The following TCF4 variants were observed in gnomAD, a reference collection of about 807,000 sequenced individuals.
The protein encoded by TCF4 is transcription factor 4.
A neutral mutation model predicts 82.1 loss-of-function variants in TCF4; 3 were observed. The observed-to-expected ratio is 0.04, with a 90% confidence interval of 0.02 to 0.09. The LOEUF (loss-of-function observed/expected upper bound fraction) is 0.09. TCF4 is among the 10% of genes least tolerant of loss of function. The pLI, the probability that TCF4 is intolerant of heterozygous loss-of-function variation, is 1.00. For synonymous variants in TCF4, 276 were observed against 309.6 expected (o/e 0.89, Z 1.14); for missense variants, 518 against 852.7 (o/e 0.61, Z 4.89).
intron 6 of TCF4, among the ~76,000 whole-genome samples, chr18:55,351,599 G>A (rs2082337041): frequency 6.6e-6 from 1 of 152,022 alleles, no homozygotes; most frequent in African/African-American, 2.4e-5. Flanking sequence ...CAAGCTAACA[G>A]CCACAAAGGA....
intron 5 of TCF4, among the ~76,000 whole-genome samples, chr18:55,412,903 T>C (rs1000058766): frequency 6.6e-6 from 1 of 152,190 alleles, no homozygotes; most frequent in African/African-American, 2.4e-5. Context: ...CAACTCTAAA[T>C]AAGCCACAGT....
chr18:55,503,628 A>G (rs578202335), intron 3 of TCF4, among the ~76,000 whole-genome samples: 2 of 152,324 alleles, frequency 1.3e-5, no homozygotes, highest in East Asian at 3.9e-4. Context: ...AAAAATAACC[A>G]GCTCAAGAAC....
At chr18:55,328,821 T>C (rs937568398) in intron 8 of TCF4, among the ~76,000 whole-genome samples, 1 of 152,220 alleles carries the variant, frequency 6.6e-6, no homozygotes, top group African/African-American at 2.4e-5. Flanking sequence ...AATGCATTGC[T>C]CGATAATCAG....
At chr18:55,498,719 T>C (rs2096664788) in intron 3 of TCF4, among the ~76,000 whole-genome samples, 1 of 152,172 alleles carries the variant, frequency 6.6e-6, no homozygotes, top group Non-Finnish European at 1.5e-5. Context: ...CTTCCACTTC[T>C]AGCACCAATG....
At chr18:55,476,495 T>C (rs1286912477) in intron 3 of TCF4, among the ~76,000 whole-genome samples, 3 of 151,976 alleles carry the variant, frequency 2.0e-5, no homozygotes, top group Non-Finnish European at 2.9e-5. Context: ...TTTTTTGAGA[T>C]GGGGTCCTGC....
At chr18:55,373,476 C>A (rs1286303135) in intron 6 of TCF4, among the ~76,000 whole-genome samples, 1 of 151,942 alleles carries the variant, frequency 6.6e-6, no homozygotes, top group African/African-American at 2.4e-5. Flanking sequence ...AAATTTAAAT[C>A]AATTAGAAGG....
chr18:55,586,310 T>A (rs2097650784), intron 2 of TCF4: 2 of 754,818 alleles, frequency 2.6e-6, no homozygotes, highest in Admixed American at 4.5e-5. Context: ...TACAAATGCA[T>A]CTTACACCAA....
intron 17 of TCF4, chr18:55,230,674 T>A (rs573549868): frequency 6.6e-6 from 1 of 151,918 alleles, no homozygotes; most frequent in Non-Finnish European, 1.5e-5. Context: ...CATTTCGGAG[T>A]TGGAAGATGT....
At chr18:55,448,901 T>C (rs1183830846) in intron 5 of TCF4, among the ~76,000 whole-genome samples, 29 of 152,228 alleles carry the variant, frequency 1.9e-4, no homozygotes, top group Non-Finnish European at 1.5e-5. Context: ...GGGCAAAATC[T>C]CATTAACTAT....
chr18:55,315,937 C>T (rs562894714), intron 8 of TCF4, among the ~76,000 whole-genome samples: 2 of 151,570 alleles, frequency 1.3e-5, no homozygotes, highest in Non-Finnish European at 2.9e-5. Context: ...ACAGATATCC[C>T]TTTTTTTTAA....
In TCF4 at chr18:55,302,430, C is replaced by T. The variant is rs1251282652; in HGVS notation, c.550-22774G>A. 7.2e-6 allele frequency: 11 copies of T among 1,536,196 alleles called. No individual in the cohort carries two copies. In the East Asian group the frequency reaches 9.8e-5, roughly 14 times the overall value. ...TCTGACCTTACCTCTGCTTTCCCTT[C>T]GTGGTCCAGGCAACATAGCCCTGTA... On this transcript the variant is annotated intron_variant, in intron 8 of 19. Transcript: ENST00000354452.
At chr18:55,432,265 T>C (rs1234997906) in intron 5 of TCF4, among the ~76,000 whole-genome samples, 2 of 152,168 alleles carry the variant, frequency 1.3e-5, no homozygotes, top group Admixed American at 6.5e-5. Flanking sequence ...ATCATGCCAC[T>C]GCATTCCAGC....
chr18:55,324,063 CAT>C (rs1310209402), intron 8 of TCF4, among the ~76,000 whole-genome samples: 7 of 152,166 alleles, frequency 4.6e-5, no homozygotes, highest in African/African-American at 1.7e-4. Flanking sequence ...ATATTGTTAA[CAT>C]GTGCATAAAT....
intron 5 of TCF4, among the ~76,000 whole-genome samples, chr18:55,421,269 T>C (rs1365165555): frequency 6.6e-6 from 1 of 152,160 alleles, no homozygotes; most frequent in Non-Finnish European, 1.5e-5. Flanking sequence ...AAGCAAGAGA[T>C]TGAAATAAAA....
intron 3 of TCF4, among the ~76,000 whole-genome samples, chr18:55,549,084 T>C (rs966735910): frequency 6.6e-6 from 1 of 152,150 alleles, no homozygotes; most frequent in African/African-American, 2.4e-5. Context: ...GTGGATCACT[T>C]GAGCTCAGGA....
chr18:55,232,881 A>G (rs941895608), intron 16 of TCF4, among the ~76,000 whole-genome samples: 12 of 152,212 alleles, frequency 7.9e-5, no homozygotes, highest in African/African-American at 2.9e-4. Flanking sequence ...TCTATTTTGC[A>G]ATCTTTTGGA....
chr18:55,405,822 A>T (rs184955766), intron 5 of TCF4, among the ~76,000 whole-genome samples: 50 of 152,196 alleles, frequency 3.3e-4, no homozygotes, highest in African/African-American at 9.2e-4. Context: ...TCCCCAAAGT[A>T]CTCTTGGCTA....
rs1452226771 is a variant in TCF4, at chr18:55,357,773, G to C, written c.370-6770C>G. Among the ~76,000 whole-genome samples, 3 of 152,162 alleles carry C rather than the reference G, an allele frequency of 2.0e-5. No individual in the cohort carries two copies. In the East Asian group the frequency reaches 5.8e-4, roughly 29 times the overall value. ...TGGCCTCCCTGGAAACAGGAACCAG[G>C]GTCATGTGGCCTACCCAGCACCCCA... is the stretch of plus-strand genomic sequence containing the variant. On this transcript the variant is annotated intron_variant, in intron 6 of 19. Coordinates refer to ENST00000354452, the MANE Select transcript of TCF4 (RefSeq NM_001083962.2).
chr18:55,443,140 T>C (rs1195006362), intron 5 of TCF4, among the ~76,000 whole-genome samples: 1 of 152,202 alleles, frequency 6.6e-6, no homozygotes, highest in Non-Finnish European at 1.5e-5. Context: ...GGACCTTGTA[T>C]GGGGTCCCAT....
Sources: gnomAD v4.1 joint callset for allele counts (sites outside exome capture counted in the v4.1 genomes callset) on GRCh38, gnomAD v4.1.1 for gene constraint, MANE v1.5 for transcripts, NCBI Gene and HGNC (gene_info 2026-07-23, HGNC 2026-07-21) for gene names.